USPL1: variants seen among roughly 807,000 people sequenced by gnomAD.
The protein encoded by USPL1 is ubiquitin specific peptidase like 1.
Under a neutral mutation model 51.5 loss-of-function variants are expected in USPL1, and 27 were observed. That is an observed-to-expected ratio of 0.52 (90% CI 0.39 to 0.72). The LOEUF (loss-of-function observed/expected upper bound fraction) is 0.72. Ranked by LOEUF, USPL1 falls within the 30% of genes least tolerant of loss-of-function variation. The probability of loss-of-function intolerance (pLI) is 0.00; values close to 1 mark genes in which losing one functional copy is unlikely to be tolerated. For synonymous variants in USPL1, 451 were observed against 459.6 expected (o/e 0.98, Z 0.24); for missense variants, 1,226 against 1,268.0 (o/e 0.97, Z 0.50).
chr13:30,624,208 C>T (rs1950681082), intron 3 of USPL1, among the ~76,000 whole-genome samples: 1 of 152,064 alleles, frequency 6.6e-6, no homozygotes, highest in Non-Finnish European at 1.5e-5. Flanking sequence ...TGGAGAATTG[C>T]TTGGTGTGGG....
At chr13:30,643,415 C>T (rs1231545089) in intron 6 of USPL1, among the ~76,000 whole-genome samples, 4 of 152,094 alleles carry the variant, frequency 2.6e-5, no homozygotes, top group Non-Finnish European at 5.9e-5. Context: ...AGATATTCAA[C>T]CTGTACCCAC....
At chr13:30,621,290 T>A (rs986753913) in intron 2 of USPL1, 51 bp downstream of exon 2, 1 of 1,342,876 alleles carries the variant, frequency 7.4e-7, no homozygotes, top group Non-Finnish European at 1.0e-6. Context: ...TTTTTCTCTA[T>A]TTTTGAGACT....
At chr13:30,638,445 C>T (rs749659791) in intron 5 of USPL1, among the ~76,000 whole-genome samples, 2 of 152,260 alleles carry the variant, frequency 1.3e-5, no homozygotes, top group African/African-American at 2.4e-5. Flanking sequence ...AAAGCTTCCT[C>T]GCCTTTAGAA....
chr13:30,631,227 A>G lies in USPL1; in HGVS notation c.621A>G (p.Thr207=), dbSNP rs751412853. ...GRPSPQNEGC[T]SKLEMPLESK... is the part of the protein sequence containing the mutation. ...CTTCCCCTCAAAATGAAGGATGTAC[A>G]TCTAAACTGGAAATGCCACTGGAGA... Residue 207 remains threonine, a synonymous_variant, in exon 4 of 9, where the codon ACA becomes ACG. Transcript: ENST00000255304. The G allele has an allele frequency of 6.2e-7, 1 of 1,614,174 alleles. No individual in the cohort carries two copies.
intron 3 of USPL1, among the ~76,000 whole-genome samples, chr13:30,630,022 G>A (rs1393026841): frequency 6.6e-6 from 1 of 152,028 alleles, no homozygotes; most frequent in Non-Finnish European, 1.5e-5. Flanking sequence ...TGCCCAGGCT[G>A]GAGCAGTAGA....
intron 2 of USPL1, 48 bp downstream of exon 2, chr13:30,621,287 C>G (rs752276643): frequency 7.3e-7 from 1 of 1,366,194 alleles, no homozygotes; most frequent in South Asian, 1.4e-5. Flanking sequence ...TTTTTTTTCT[C>G]TATTTTTGAG....
At position 30,642,499 on chromosome 13, in the gene USPL1, T is replaced by G. The variant is rs562722500; in HGVS notation, c.983-129T>G. 74 of 1,069,572 alleles carry G rather than the reference T, an allele frequency of 6.9e-5. 3 individuals carry two copies. In the South Asian group the frequency reaches 1.7e-3, roughly 24 times the overall value. 66.3% of individuals were successfully genotyped at this position (1,069,572 alleles called of 1,614,324 possible). On this transcript the variant is annotated intron_variant, in intron 5 of 8. Coordinates refer to ENST00000255304, the MANE Select transcript of USPL1 (RefSeq NM_005800.5). ...TCCCCTCTCCCAACTCTGAGTGACT[T>G]ATTGTGTCATACTGTATTAACACAT...
chr13:30,626,808 G>A (rs938066186), intron 3 of USPL1, among the ~76,000 whole-genome samples: 2 of 151,230 alleles, frequency 1.3e-5, no homozygotes, highest in African/African-American at 4.9e-5. Context: ...TTTTTTCGTG[G>A]AGTAGTCTAT....
intron 6 of USPL1, among the ~76,000 whole-genome samples, chr13:30,643,503 C>A (rs1468117066): frequency 6.6e-6 from 1 of 151,906 alleles, no homozygotes; most frequent in Non-Finnish European, 1.5e-5. Context: ...TCACTTGGTC[C>A]ATACCTGAGA....
intron 3 of USPL1, among the ~76,000 whole-genome samples, chr13:30,626,028 A>G (rs1417059339): frequency 6.6e-6 from 1 of 152,160 alleles, no homozygotes. Context: ...AAAAATCAAA[A>G]GAAGGGCCAG....
chr13:30,624,740 C>G (rs142185577), intron 3 of USPL1, among the ~76,000 whole-genome samples: 1 of 152,340 alleles, frequency 6.6e-6, no homozygotes, highest in Non-Finnish European at 1.5e-5. Flanking sequence ...TGCACAAAGG[C>G]CATCATGAAA....
rs78541462 is a variant in USPL1, at chr13:30,631,118, G to A, written c.512G>A (p.Arg171Gln). The A allele has an allele frequency of 7.6e-5, 122 of 1,614,116 alleles. 1 individual carries two copies. In the African/African-American group the frequency reaches 9.6e-4, roughly 13 times the overall value. The change falls in exon 4 of 9, where the codon CGG becomes CAG. Residue 171 changes from arginine (R) to glutamine (Q), a missense_variant. By Grantham distance (43) the Arg-to-Gln change is conservative. Coordinates refer to ENST00000255304, the MANE Select transcript of USPL1 (RefSeq NM_005800.5). ...ATTAGGACAGCTGATTCCTTGGAGC[G>A]GAATGAGATTTTGGAAGCTGATACT... ...NPIRTADSLE[R>Q]NEILEADTVD...
At chr13:30,650,327 A>T (rs1951072757) in intron 7 of USPL1, among the ~76,000 whole-genome samples, 1 of 151,152 alleles carries the variant, frequency 6.6e-6, no homozygotes, top group Non-Finnish European at 1.5e-5. Flanking sequence ...CTGTAGTCCC[A>T]GCACTTTGGG....
intron 6 of USPL1, 125 bp downstream of exon 6, chr13:30,642,882 A>C: frequency 3.0e-4 from 335 of 1,115,074 alleles, no homozygotes; most frequent in Non-Finnish European, 3.9e-4. Context: ...TCAAAACCTC[A>C]TCGTTTGATA....
At chr13:30,641,964 CG>C (rs1950953668) in intron 5 of USPL1, among the ~76,000 whole-genome samples, 1 of 151,382 alleles carries the variant, frequency 6.6e-6, no homozygotes, top group East Asian at 1.9e-4. Context: ...TGGTATGCAG[CG>C]GCATGATCAT....
At chr13:30,644,786 G>A (rs759795993) in intron 6 of USPL1, among the ~76,000 whole-genome samples, 1 of 152,198 alleles carries the variant, frequency 6.6e-6, no homozygotes, top group Non-Finnish European at 1.5e-5. Context: ...AATTGGGTCA[G>A]ATAAATTTTC....
intron 7 of USPL1, 41 bp from the exon 8 acceptor site, chr13:30,653,107 C>T: frequency 6.5e-7 from 1 of 1,532,700 alleles, no homozygotes; most frequent in Non-Finnish European, 8.8e-7. Flanking sequence ...AGACACATGG[C>T]ATTAAATTTA....
At position 30,657,656 on chromosome 13, in the gene USPL1, A is replaced by C; in HGVS notation, c.1579A>C (p.Lys527Gln). The change falls in exon 9 of 9, where the codon AAA (lysine) becomes CAA (glutamine). Residue 527 changes from lysine (K) to glutamine (Q), a missense_variant. Transcript: ENST00000255304. ...TGACCAACACGCTCTCAGTAATGAG[A>C]AACCAGTATCTTTAACATCGTGTTC... ...TNDQHALSNE[K>Q]PVSLTSCSVG... 6.2e-7 allele frequency: 1 copy of C among 1,614,184 alleles called. No homozygotes were observed. The highest frequency in any genetic ancestry group is 8.5e-7 in the Non-Finnish European group (1 of 1,179,994).
rs759768333 is a variant in USPL1 at position 30,621,137 on chromosome 13, C to T, written c.-4C>T. On this transcript the variant is annotated 5_prime_UTR_variant, in exon 2 of 9. Transcript: ENST00000255304. Reference sequence around the variant, plus strand: ...AAGTGACATAAATTAGCCAATGACTCGGAATGATGGATTCTCCGAAGATTG... The same window carrying T: ...AAGTGACATAAATTAGCCAATGACTTGGAATGATGGATTCTCCGAAGATTG... 6.2e-6 allele frequency: 10 copies of T among 1,602,528 alleles called. No individual in the cohort carries two copies. In the South Asian group the frequency reaches 8.0e-5, roughly 13 times the overall value.
Sources: gnomAD v4.1 joint callset for allele counts (sites outside exome capture counted in the v4.1 genomes callset) on GRCh38, gnomAD v4.1.1 for gene constraint, MANE v1.5 for transcripts, NCBI Gene and HGNC (gene_info 2026-07-23, HGNC 2026-07-21) for gene names.